Variants in CTNNA2 observed in about 807,000 individuals in gnomAD.
The protein encoded by CTNNA2 is catenin alpha 2.
CTNNA2 carries 42 observed loss-of-function variants against 101.0 expected under a neutral mutation model. The ratio of observed to expected loss-of-function variants is 0.42; its 90% CI spans 0.32 to 0.54. The LOEUF is 0.54. Among genes scored for constraint, CTNNA2 ranks in the 20% least tolerant of loss-of-function variants. The pLI is 0.14. For missense variants in CTNNA2, 871 were observed against 1,223.1 expected (o/e 0.71, Z 4.29); for synonymous variants, 450 against 456.4 (o/e 0.99, Z 0.18).
At chr2:79,820,434 A>G (rs1677910351) in intron 3 of CTNNA2, among the ~76,000 whole-genome samples, 2 of 152,238 alleles carry the variant, frequency 1.3e-5, no homozygotes, top group South Asian at 4.1e-4. Flanking sequence ...AGCAAGTACT[A>G]AAACAGATGG....
At chr2:79,478,881 G>A (rs1302029703) in intron 4 of CTNNA2, among the ~76,000 whole-genome samples, 1 of 152,126 alleles carries the variant, frequency 6.6e-6, no homozygotes, top group Admixed American at 6.6e-5. Flanking sequence ...TCAAAGTGAA[G>A]GCCATTACAC....
At chr2:79,745,510 A>G (rs558077149) in intron 3 of CTNNA2, among the ~76,000 whole-genome samples, 1 of 152,252 alleles carries the variant, frequency 6.6e-6, no homozygotes, top group South Asian at 2.1e-4. Context: ...AACGATATTC[A>G]TATCGTTGAG....
intron 2 of CTNNA2, among the ~76,000 whole-genome samples, chr2:79,661,663 C>T (rs1682044928): frequency 6.6e-6 from 1 of 152,128 alleles, no homozygotes. Context: ...TTTGCACACT[C>T]ATTACTGCTG....
intron 7 of CTNNA2, among the ~76,000 whole-genome samples, chr2:80,115,602 G>A (rs1190082385): frequency 6.6e-6 from 1 of 152,186 alleles, no homozygotes; most frequent in Non-Finnish European, 1.5e-5. Context: ...AGGGGGAGAC[G>A]GGGAGAGGCT....
intron 3 of CTNNA2, among the ~76,000 whole-genome samples, chr2:79,314,964 G>T (rs565219124): frequency 6.6e-6 from 1 of 152,136 alleles, no homozygotes; most frequent in Admixed American, 6.6e-5. Context: ...GCACATTTTG[G>T]AAAATGGAAA....
intron 3 of CTNNA2, among the ~76,000 whole-genome samples, chr2:79,797,247 G>A (rs1362061653): frequency 7.2e-5 from 11 of 152,130 alleles, no homozygotes; most frequent in Admixed American, 5.9e-4. Context: ...GGGTAGGTAG[G>A]ATGTAATGGA....
chr2:79,375,365 T>C (rs6729635), intron 4 of CTNNA2, among the ~76,000 whole-genome samples: 264 of 152,302 alleles, frequency 1.7e-3, no homozygotes, highest in Middle Eastern at 0.014. Context: ...TGACCGTGCC[T>C]GGCATGTAGT....
chr2:79,430,291 T>G (rs1025343847), intron 4 of CTNNA2, among the ~76,000 whole-genome samples: 2 of 152,184 alleles, frequency 1.3e-5, no homozygotes, highest in Non-Finnish European at 2.9e-5. Flanking sequence ...TTTTCTGAAA[T>G]TGATATATAT....
chr2:79,218,850 T>A (rs1423743043), intron 2 of CTNNA2, among the ~76,000 whole-genome samples: 1 of 152,328 alleles, frequency 6.6e-6, no homozygotes. Flanking sequence ...CAAAAACTTA[T>A]ACTGTTTTTA....
intron 2 of CTNNA2, among the ~76,000 whole-genome samples, chr2:79,220,162 GTATGTGTGTGTGTGTATATATATA>G: frequency 6.6e-6 from 1 of 151,714 alleles, no homozygotes; most frequent in Admixed American, 6.6e-5. Flanking sequence ...GTATATATAT[GTATGTGTGTGTGTGTATATATATA>G]TGTGTGTGTG....
intron 1 of CTNNA2, chr2:79,573,745 A>T (rs779458975): frequency 8.5e-5 from 13 of 152,200 alleles, no homozygotes; most frequent in Admixed American, 2.6e-4. Flanking sequence ...CTTAAATAAT[A>T]GTATCTTCAT....
At chr2:80,013,180 G>T (rs415035) in intron 7 of CTNNA2, among the ~76,000 whole-genome samples, 83,236 of 151,854 alleles carry the variant, frequency 0.55, 24,971 homozygotes, top group East Asian at 0.72. Context: ...AGAAAAAAAA[G>T]TCCAAAACAG....
chr2:80,300,503 A>C (rs1178128236), intron 7 of CTNNA2, among the ~76,000 whole-genome samples: 1 of 152,122 alleles, frequency 6.6e-6, no homozygotes, highest in East Asian at 1.9e-4. Flanking sequence ...ACCATTCTGC[A>C]TTTCAAAAAG....
At chr2:79,876,416 T>C (rs1683027235) in intron 6 of CTNNA2, among the ~76,000 whole-genome samples, 1 of 152,234 alleles carries the variant, frequency 6.6e-6, no homozygotes, top group South Asian at 2.1e-4. Context: ...AAAATTATTT[T>C]ATAAATTGGT....
At chr2:80,390,450 A>T (rs2149362697) in intron 7 of CTNNA2, among the ~76,000 whole-genome samples, 1 of 152,238 alleles carries the variant, frequency 6.6e-6, no homozygotes, top group Middle Eastern at 3.4e-3. Flanking sequence ...CAGTTGCAGG[A>T]TATTGATGCC....
intron 7 of CTNNA2, among the ~76,000 whole-genome samples, chr2:80,173,082 G>T (rs1207653364): frequency 6.6e-6 from 1 of 152,156 alleles, no homozygotes; most frequent in Non-Finnish European, 1.5e-5. Context: ...TAATTTGTAT[G>T]CACATTAAAG....
chr2:80,368,414 C>T (rs551757787), intron 7 of CTNNA2, among the ~76,000 whole-genome samples: 7 of 152,178 alleles, frequency 4.6e-5, no homozygotes, highest in African/African-American at 1.7e-4. Flanking sequence ...AAGCTAATTC[C>T]CATCATATAA....
intron 4 of CTNNA2, among the ~76,000 whole-genome samples, chr2:79,487,814 TAAGCCAC>T (rs1316276516): frequency 6.6e-6 from 1 of 152,224 alleles, no homozygotes; most frequent in Non-Finnish European, 1.5e-5. Flanking sequence ...ATGGTTGCTT[TAAGCCAC>T]CATGTTTTGG....
intron 12 of CTNNA2, among the ~76,000 whole-genome samples, chr2:80,561,074 C>T (rs1258415609): frequency 6.6e-6 from 1 of 152,076 alleles, no homozygotes; most frequent in Non-Finnish European, 1.5e-5. Flanking sequence ...GGACTGATTT[C>T]TGTTGCTAGT....
Sources: allele counts gnomAD v4.1 joint callset (sites outside exome capture counted in the v4.1 genomes callset), GRCh38; gene constraint gnomAD v4.1.1; transcripts MANE v1.5; gene names NCBI Gene and HGNC (gene_info 2026-07-23, HGNC 2026-07-21).